MMP16: variants seen among roughly 807,000 people sequenced by gnomAD.
The protein encoded by MMP16 is matrix metalloproteinase-16.
In MMP16, 12 loss-of-function variants were observed where a neutral mutation model predicts 67.8. That is an observed-to-expected ratio of 0.18 (90% CI 0.11 to 0.29). MMP16 has a LOEUF of 0.29. MMP16 is among the 10% of genes least tolerant of loss of function. The pLI is 1.00. For missense variants in MMP16, 475 were observed against 765.7 expected (o/e 0.62, Z 4.48); for synonymous variants, 249 against 255.9 (o/e 0.97, Z 0.26).
At position 88,074,760 on chromosome 8, in the gene MMP16, G is replaced by A; in HGVS notation, c.1084-17C>T. ...CCACTGGTCCTGCAAACCAAGCAAA[G>A]GCATCTCTCAACAAACACGTAGGCC... On this transcript the variant is annotated splice_polypyrimidine_tract_variant and intron_variant, in intron 6 of 9. Transcript: ENST00000286614. The A allele has an allele frequency of 6.2e-7, 1 of 1,609,010 alleles. No individual in the cohort carries two copies. Among genetic ancestry groups the A allele is most frequent in the Non-Finnish European group, 8.5e-7 (1 of 1,177,204 alleles).
intron 1 of MMP16, among the ~76,000 whole-genome samples, chr8:88,224,732 A>T (rs1809741151): frequency 6.6e-6 from 1 of 152,028 alleles, no homozygotes; most frequent in Non-Finnish European, 1.5e-5. Context: ...TCTGTGGAAA[A>T]AAAAAGGATT....
intron 1 of MMP16, among the ~76,000 whole-genome samples, chr8:88,208,818 CAA>C (rs59898929): frequency 0.3 from 38,599 of 130,396 alleles, 6,353 homozygotes; most frequent in East Asian, 0.49. Flanking sequence ...GTAGATATGG[CAA>C]AAAAAAAAAA....
chr8:88,160,853 T>A (rs1270333108), intron 4 of MMP16, among the ~76,000 whole-genome samples: 2 of 152,136 alleles, frequency 1.3e-5, no homozygotes, highest in African/African-American at 4.8e-5. Context: ...TTACGTTTAT[T>A]GATTTGTGTA....
chr8:88,291,924 G>T (rs1359879280), intron 1 of MMP16, among the ~76,000 whole-genome samples: 1 of 151,992 alleles, frequency 6.6e-6, no homozygotes, highest in Non-Finnish European at 1.5e-5. Context: ...AGTAGTACTG[G>T]GTAAGAATTA....
intron 4 of MMP16, among the ~76,000 whole-genome samples, chr8:88,165,828 T>C (rs1386949659): frequency 6.6e-6 from 1 of 152,092 alleles, no homozygotes; most frequent in Non-Finnish European, 1.5e-5. Flanking sequence ...GAACTAATAA[T>C]TAGCCAGCAT....
chr8:88,290,942 G>T (rs545094020), intron 1 of MMP16, among the ~76,000 whole-genome samples: 2 of 152,126 alleles, frequency 1.3e-5, no homozygotes, highest in South Asian at 4.1e-4. Flanking sequence ...GAGATTCTCC[G>T]ATTCTAATGA....
intron 1 of MMP16, among the ~76,000 whole-genome samples, chr8:88,232,107 T>C (rs1330259494): frequency 2.0e-5 from 3 of 152,170 alleles, no homozygotes; most frequent in Non-Finnish European, 4.4e-5. Flanking sequence ...CTTTCATCTA[T>C]GAGGATGCAA....
chr8:88,201,410 C>G (rs1276625907), intron 1 of MMP16, among the ~76,000 whole-genome samples: 2 of 151,806 alleles, frequency 1.3e-5, no homozygotes, highest in African/African-American at 2.4e-5. Flanking sequence ...TTCCTTGTAC[C>G]CTGTGATTAT....
chr8:88,042,028 T>C (rs1808140120), intron 9 of MMP16, among the ~76,000 whole-genome samples: 1 of 152,084 alleles, frequency 6.6e-6, no homozygotes, highest in Non-Finnish European at 1.5e-5. Context: ...GAGAGAGAAA[T>C]ATCATTTACA....
intron 1 of MMP16, among the ~76,000 whole-genome samples, chr8:88,208,818 C>CAAAAAAAAAAAAAGAAAAAAAA (rs1809469292): frequency 7.7e-6 from 1 of 130,662 alleles, no homozygotes; most frequent in Admixed American, 7.8e-5. Context: ...GTAGATATGG[C>CAAAAAAAAAAAAAGAAAAAAAA]AAAAAAAAAA....
chr8:88,296,035 A>G (rs964505121), intron 1 of MMP16, among the ~76,000 whole-genome samples: 25 of 117,512 alleles, frequency 2.1e-4, no homozygotes, highest in African/African-American at 7.5e-4. Context: ...AATCCTACTT[A>G]CTAACTGAGA....
At chr8:88,114,250 A>C (rs1324234717) in intron 6 of MMP16, among the ~76,000 whole-genome samples, 2 of 151,692 alleles carry the variant, frequency 1.3e-5, no homozygotes, top group African/African-American at 4.8e-5. Context: ...TAAGATTATC[A>C]CTTTATACTA....
intron 4 of MMP16, among the ~76,000 whole-genome samples, chr8:88,158,402 C>T (rs181882115): frequency 5.3e-4 from 80 of 152,298 alleles, no homozygotes; most frequent in African/African-American, 1.8e-3. Flanking sequence ...TTTTGATTTG[C>T]ATTTCTCTGA....
chr8:88,282,291 C>A (rs922012522), intron 1 of MMP16, among the ~76,000 whole-genome samples: 1 of 152,022 alleles, frequency 6.6e-6, no homozygotes, highest in Non-Finnish European at 1.5e-5. Flanking sequence ...GTCAAGCTGG[C>A]CTCGAACTCC....
At chr8:88,265,370 A>C (rs1182725229) in intron 1 of MMP16, among the ~76,000 whole-genome samples, 1 of 151,950 alleles carries the variant, frequency 6.6e-6, no homozygotes, top group East Asian at 1.9e-4. Context: ...CAAGCATTCA[A>C]TATACTATGA....
At chr8:88,175,244 G>GT (rs1185284523) in intron 3 of MMP16, among the ~76,000 whole-genome samples, 1 of 152,094 alleles carries the variant, frequency 6.6e-6, no homozygotes, top group Non-Finnish European at 1.5e-5. Flanking sequence ...TATACTGTTG[G>GT]TTTATAATGA....
At chr8:88,209,696 A>T (rs1399199536) in intron 1 of MMP16, among the ~76,000 whole-genome samples, 1 of 138,212 alleles carries the variant, frequency 7.2e-6, no homozygotes, top group African/African-American at 2.7e-5. Context: ...TGTAACTCGT[A>T]TAAGTAGATT....
intron 2 of MMP16, among the ~76,000 whole-genome samples, chr8:88,194,202 A>T (rs1219412884): frequency 6.6e-6 from 1 of 152,066 alleles, no homozygotes; most frequent in Non-Finnish European, 1.5e-5. Flanking sequence ...TACAGATTCA[A>T]TGCATCCCAT....
At chr8:88,158,162 T>C (rs1014861827) in intron 4 of MMP16, among the ~76,000 whole-genome samples, 3 of 152,144 alleles carry the variant, frequency 2.0e-5, no homozygotes, top group African/African-American at 4.8e-5. Flanking sequence ...AGCAGCATGA[T>C]TTATAGTCCT....
Sources: gnomAD v4.1 joint callset for allele counts (sites outside exome capture counted in the v4.1 genomes callset) on GRCh38, gnomAD v4.1.1 for gene constraint, MANE v1.5 for transcripts, NCBI Gene and HGNC (gene_info 2026-07-23, HGNC 2026-07-21) for gene names.